The following BCL2 variants were observed in gnomAD, a reference collection of about 807,000 sequenced individuals.
BCL2 encodes BCL2 apoptosis regulator.
A neutral mutation model predicts 14.2 loss-of-function variants in BCL2; 1 was observed. The observed-to-expected ratio is 0.07, with a 90% CI of 0.02 to 0.33. BCL2 has a LOEUF of 0.33. Ranked by LOEUF, BCL2 falls within the 10% of genes least tolerant of loss-of-function variation. BCL2 has a pLI of 0.99. For synonymous variants in BCL2, 151 were observed against 137.2 expected (o/e 1.10, Z -0.70); for missense variants, 247 against 305.9 (o/e 0.81, Z 1.44).
intron 2 of BCL2, among the ~76,000 whole-genome samples, chr18:63,225,911 TG>T (rs1486822692): frequency 2.0e-5 from 3 of 152,134 alleles, no homozygotes; most frequent in Admixed American, 2.0e-4. Context: ...AACAGCTCAG[TG>T]GGGGCGGTCA....
intron 2 of BCL2, among the ~76,000 whole-genome samples, chr18:63,309,887 G>A (rs1410013524): frequency 6.6e-6 from 1 of 152,020 alleles, no homozygotes; most frequent in Non-Finnish European, 1.5e-5. Context: ...TTTTGAGACA[G>A]AGTCTCGCTC....
At chr18:63,178,345 A>T (rs1915397503) in intron 2 of BCL2, among the ~76,000 whole-genome samples, 1 of 152,162 alleles carries the variant, frequency 6.6e-6, no homozygotes, top group Non-Finnish European at 1.5e-5. Flanking sequence ...TTATAACCAG[A>T]GATGGAAGCG....
chr18:63,313,325 C>T (rs374035913), intron 2 of BCL2, among the ~76,000 whole-genome samples: 1 of 152,190 alleles, frequency 6.6e-6, no homozygotes, highest in African/African-American at 2.4e-5. Context: ...CATCATTAAT[C>T]CTGCTTAGAC....
chr18:63,213,563 C>T (rs1393964397), intron 2 of BCL2, among the ~76,000 whole-genome samples: 7 of 151,718 alleles, frequency 4.6e-5, no homozygotes, highest in African/African-American at 1.5e-4. Flanking sequence ...CACACACACA[C>T]ACACACACAC....
At chr18:63,298,512 G>T (rs544702175) in intron 2 of BCL2, among the ~76,000 whole-genome samples, 3 of 152,320 alleles carry the variant, frequency 2.0e-5, no homozygotes, top group African/African-American at 7.2e-5. Flanking sequence ...CTTTCTTTGG[G>T]ACAAAGGACA....
chr18:63,267,355 T>C (rs1480197658), intron 2 of BCL2, among the ~76,000 whole-genome samples: 1 of 152,062 alleles, frequency 6.6e-6, no homozygotes, highest in Non-Finnish European at 1.5e-5. Flanking sequence ...GAGGAAATGA[T>C]GAGGCTGTGA....
At chr18:63,168,205 T>C (rs1275176937) in intron 2 of BCL2, among the ~76,000 whole-genome samples, 6 of 152,126 alleles carry the variant, frequency 3.9e-5, no homozygotes, top group Non-Finnish European at 7.3e-5. Flanking sequence ...CCAAGGATCA[T>C]TTTGCCAAAG....
intron 2 of BCL2, among the ~76,000 whole-genome samples, chr18:63,198,818 G>GACAC (rs376244131): frequency 0.97 from 106,850 of 109,620 alleles, 52,192 homozygotes; most frequent in East Asian, 1. Flanking sequence ...GAGACACACA[G>GACAC]ACACACAGAC....
At chr18:63,280,321 T>G (rs1912274425) in intron 2 of BCL2, among the ~76,000 whole-genome samples, 1 of 152,168 alleles carries the variant, frequency 6.6e-6, no homozygotes, top group Non-Finnish European at 1.5e-5. Flanking sequence ...AAGGTGATAA[T>G]ATCTATTTCT....
intron 2 of BCL2, among the ~76,000 whole-genome samples, chr18:63,181,995 A>G (rs761511616): frequency 6.6e-6 from 1 of 152,056 alleles, no homozygotes; most frequent in Admixed American, 6.5e-5. Context: ...TCCTTACTTC[A>G]CCACCTCTGG....
At chr18:63,251,212 G>A (rs1464497735) in intron 2 of BCL2, among the ~76,000 whole-genome samples, 3 of 152,080 alleles carry the variant, frequency 2.0e-5, no homozygotes, top group African/African-American at 7.2e-5. Flanking sequence ...GCTGTGCGTT[G>A]ATGAGGGGAG....
intron 2 of BCL2, among the ~76,000 whole-genome samples, chr18:63,312,642 G>T (rs573354495): frequency 6.6e-6 from 1 of 152,292 alleles, no homozygotes; most frequent in African/African-American, 2.4e-5. Flanking sequence ...AAATAGAACA[G>T]TAATATAACC....
At chr18:63,277,591 T>C (rs1182718364) in intron 2 of BCL2, among the ~76,000 whole-genome samples, 1 of 151,042 alleles carries the variant, frequency 6.6e-6, no homozygotes, top group African/African-American at 2.4e-5. Context: ...TTTTTTTTTT[T>C]TAAGGTATTT....
At chr18:63,229,381 C>A (rs1910631386) in intron 2 of BCL2, among the ~76,000 whole-genome samples, 1 of 152,010 alleles carries the variant, frequency 6.6e-6, no homozygotes, top group South Asian at 2.1e-4. Context: ...GAATGAAGTC[C>A]TCTGTTATTA....
At chr18:63,156,011 G>T (rs1914771436) in intron 2 of BCL2, among the ~76,000 whole-genome samples, 1 of 135,874 alleles carries the variant, frequency 7.4e-6, no homozygotes. Flanking sequence ...TTGCTTGAGG[G>T]CATTTCTCAA....
At chr18:63,183,065 G>C (rs1915514295) in intron 2 of BCL2, among the ~76,000 whole-genome samples, 1 of 152,204 alleles carries the variant, frequency 6.6e-6, no homozygotes, top group Admixed American at 6.5e-5. Context: ...GCAGATGCAT[G>C]TCACACTGAT....
intron 2 of BCL2, among the ~76,000 whole-genome samples, chr18:63,293,712 C>G (rs983145771): frequency 6.6e-6 from 1 of 152,102 alleles, no homozygotes; most frequent in African/African-American, 2.4e-5. Context: ...CCAGTTTTCT[C>G]CAGTAAATAC....
intron 2 of BCL2, among the ~76,000 whole-genome samples, chr18:63,177,016 A>C (rs2144637154): frequency 6.6e-6 from 1 of 151,570 alleles, no homozygotes; most frequent in South Asian, 2.1e-4. Context: ...TCCTGGGCTC[A>C]GGTGATTCTC....
intron 2 of BCL2, among the ~76,000 whole-genome samples, chr18:63,219,073 G>A (rs1287078289): frequency 1.3e-5 from 2 of 152,094 alleles, no homozygotes; most frequent in Non-Finnish European, 2.9e-5. Context: ...CATAACCTGA[G>A]TTCCATCATT....
Sources: gnomAD v4.1 joint callset for allele counts (sites outside exome capture counted in the v4.1 genomes callset) on GRCh38, gnomAD v4.1.1 for gene constraint, MANE v1.5 for transcripts, NCBI Gene and HGNC (gene_info 2026-07-23, HGNC 2026-07-21) for gene names.